NAXD: variants seen among roughly 807,000 people sequenced by gnomAD.
NAXD encodes ATP-dependent (S)-NAD(P)H-hydrate dehydratase.
Under a neutral mutation model 35.8 loss-of-function variants are expected in NAXD, and 22 were observed. That is an observed-to-expected ratio of 0.62 (90% CI 0.44 to 0.88). The LOEUF is 0.88. NAXD is among the 40% of genes least tolerant of loss of function. NAXD has a pLI of 0.00. For missense variants in NAXD, 428 were observed against 437.7 expected (o/e 0.98, Z 0.20); for synonymous variants, 189 against 177.6 (o/e 1.06, Z -0.51).
chr13:110,637,028 GGTGTGGCTCTGCCTGCC>G, intron 8 of NAXD, 84 bp from the exon 9 acceptor site: 1 of 1,363,790 alleles, frequency 7.3e-7, no homozygotes, highest in Non-Finnish European at 9.8e-7. Flanking sequence ...GCTCCTGGAG[GGTGTGGCTCTGCCTGCC>G]GTGCGGCCTT....
chr13:110,615,916 G>T, intron 1 of NAXD: 1 of 616,274 alleles, frequency 1.6e-6, no homozygotes, highest in South Asian at 5.9e-5. Flanking sequence ...GCGCGGCGAC[G>T]GCTGGGCGCG....
chr13:110,620,464 C>T (rs190774861), intron 1 of NAXD, among the ~76,000 whole-genome samples: 1 of 151,866 alleles, frequency 6.6e-6, no homozygotes, highest in African/African-American at 2.4e-5. Flanking sequence ...CCTGTAGTCC[C>T]AGCTACTCAG....
At chr13:110,623,463 G>A (rs79092364) in intron 2 of NAXD, among the ~76,000 whole-genome samples, 9 of 152,298 alleles carry the variant, frequency 5.9e-5, no homozygotes, top group Admixed American at 3.3e-4. Flanking sequence ...GGTGGGTGCC[G>A]TTTCTTGTTT....
chr13:110,621,558 G>T (rs1886263833), intron 1 of NAXD, among the ~76,000 whole-genome samples: 1 of 151,808 alleles, frequency 6.6e-6, no homozygotes, highest in African/African-American at 2.4e-5. Flanking sequence ...TAGCAGGGCA[G>T]GGTGGCAGGT....
chr13:110,621,169 A>T (rs138333394), intron 1 of NAXD, among the ~76,000 whole-genome samples: 12 of 152,326 alleles, frequency 7.9e-5, no homozygotes, highest in African/African-American at 2.4e-4. Context: ...GTTGGAATAC[A>T]GTTGGGAGTA....
intron 5 of NAXD, among the ~76,000 whole-genome samples, chr13:110,634,029 G>A (rs1028749623): frequency 6.6e-6 from 1 of 152,222 alleles, no homozygotes; most frequent in Non-Finnish European, 1.5e-5. Flanking sequence ...TGTTCATAGC[G>A]TTTCCAGTGG....
At chr13:110,615,464 A>G (rs1188639294), upstream of NAXD, 3 of 765,342 alleles carry the variant, frequency 3.9e-6, no homozygotes, top group Non-Finnish European at 5.7e-6. Flanking sequence ...TCAATCATCT[A>G]GAACCGGGTG....
intron 5 of NAXD, among the ~76,000 whole-genome samples, chr13:110,629,516 G>A (rs973596599): frequency 6.6e-6 from 1 of 152,102 alleles, no homozygotes; most frequent in African/African-American, 2.4e-5. Flanking sequence ...TATGCTTTCT[G>A]TCTCTCTGGA....
intron 4 of NAXD, 48 bp downstream of exon 4, chr13:110,625,326 A>G: frequency 7.4e-7 from 1 of 1,342,782 alleles, no homozygotes; most frequent in Non-Finnish European, 1.1e-6. Flanking sequence ...TCCCTCCTGC[A>G]TCATTTGGGG....
chr13:110,638,936 C>T lies in NAXD; in HGVS notation c.*408C>T. On this transcript the variant is annotated 3_prime_UTR_variant, in exon 10 of 10. Transcript: ENST00000680254. This position sits in a 1 kb window ranked among gnomAD's most constrained non-coding sequence, Gnocchi z 5.4. The stretch of plus-strand genomic sequence containing the variant: ...TCCTCCTCTGCTTCCCTTCCCTAGT[C>T]TTTCCTCCGGCAGGGAGCTGGGCAG... 2.8e-6 allele frequency: 1 copy of T among 361,348 alleles called. No individual in the cohort carries two copies. The highest frequency in any genetic ancestry group is 2.1e-5 in the South Asian group (1 of 46,976). The allele number at this position is 361,348 out of a possible 1,614,324, so 22.4% of individuals were successfully genotyped here.
intron 5 of NAXD, 80 bp downstream of exon 5, chr13:110,627,627 A>G (rs1373168309): frequency 2.0e-6 from 2 of 977,196 alleles, no homozygotes; most frequent in East Asian, 2.4e-5. Context: ...TTTCTCTTGC[A>G]TTTTGTGTAG....
At chr13:110,634,872 T>C (rs1757011550) in intron 7 of NAXD, 96 bp downstream of exon 7, 1 of 857,708 alleles carries the variant, frequency 1.2e-6, no homozygotes, top group East Asian at 2.7e-5. Context: ...CCTGTCCCTG[T>C]GGACACACCT....
intron 5 of NAXD, 23 bp downstream of exon 5, chr13:110,627,570 T>C (rs1436845337): frequency 9.2e-6 from 14 of 1,520,288 alleles, no homozygotes; most frequent in Non-Finnish European, 1.2e-5. Flanking sequence ...CTCACTCACT[T>C]CCCTCATGAC....
intron 1 of NAXD, among the ~76,000 whole-genome samples, chr13:110,618,314 C>T (rs937236434): frequency 1.3e-5 from 2 of 152,162 alleles, no homozygotes; most frequent in Non-Finnish European, 2.9e-5. Context: ...CTTACGGTAG[C>T]ATCATGGCCA....
chr13:110,621,995 A>C (rs1886283951), intron 1 of NAXD, among the ~76,000 whole-genome samples: 1 of 152,118 alleles, frequency 6.6e-6, no homozygotes, highest in Non-Finnish European at 1.5e-5. Flanking sequence ...ACGCCACTGC[A>C]CTCCAGCCTG....
Position 110,615,664 on chromosome 13 carries a change from T to C in NAXD, c.46+17T>C. On this transcript the variant is annotated intron_variant, in intron 1 of 9. Coordinates refer to ENST00000680254, the MANE Select transcript of NAXD (RefSeq NM_001242882.2). ...GCAGACGAGGTAAGGTCGATTCCAT[T>C]TGGCCCGGGGATGGTCACACGCGCG... 1.3e-6 allele frequency: 2 copies of C among 1,518,926 alleles called. No homozygotes were observed. Among genetic ancestry groups the C allele is most frequent in the East Asian group, 5.5e-5 (2 of 36,284 alleles). The allele number at this position is 1,518,926 out of a possible 1,614,324, so 94.1% of individuals were successfully genotyped here.
At chr13:110,625,012 G>C (rs755406336) in intron 3 of NAXD, among the ~76,000 whole-genome samples, 178 bp from the exon 4 acceptor site, 14 of 152,226 alleles carry the variant, frequency 9.2e-5, no homozygotes, top group Non-Finnish European at 1.8e-4. Context: ...TTTCTTTTTA[G>C]GTATTGTGCT....
At position 110,628,032 on chromosome 13, in the gene NAXD, G is replaced by A. The variant is rs534797042; in HGVS notation, c.441+485G>A. Among the ~76,000 whole-genome samples the A allele has an allele frequency of 1.4e-4, 21 of 152,356 alleles. No individual in the cohort carries two copies. In the South Asian group the frequency reaches 4.1e-3, roughly 30 times the overall value. Reference sequence around the variant, plus strand: ...CCGTGCCCACATGCATATGCGCATGGACTCTCATTTATGCTGGTATTTCTT... The same window carrying A: ...CCGTGCCCACATGCATATGCGCATGAACTCTCATTTATGCTGGTATTTCTT... On this transcript the variant is annotated intron_variant, in intron 5 of 9. Coordinates refer to ENST00000680254, the MANE Select transcript of NAXD (RefSeq NM_001242882.2). This position sits in a 1 kb window ranked among gnomAD's most constrained non-coding sequence, Gnocchi z 4.1.
At chr13:110,616,939 G>A (rs952989217) in intron 1 of NAXD, among the ~76,000 whole-genome samples, 1 of 152,170 alleles carries the variant, frequency 6.6e-6, no homozygotes, top group Non-Finnish European at 1.5e-5. Context: ...ACTGGGTGGC[G>A]CTGAGAGGGT....
Sources: allele counts gnomAD v4.1 joint callset (sites outside exome capture counted in the v4.1 genomes callset), GRCh38; gene constraint gnomAD v4.1.1; non-coding constraint Gnocchi (gnomAD v3.1); transcripts MANE v1.5; gene names NCBI Gene and HGNC (gene_info 2026-07-23, HGNC 2026-07-21).